The following COXFA4L2 variants were observed in gnomAD, a reference collection of about 807,000 sequenced individuals.
The protein encoded by COXFA4L2 is NADH dehydrogenase (ubiquinone) 1 alpha subcomplex, 4-like 2.
chr12:57,235,078 AG>A, the COXFA4L2 span: 1 of 164,028 alleles, frequency 6.1e-6, no homozygotes, highest in African/African-American at 2.4e-5. Flanking sequence ...GCTGCGCCTC[AG>A]GAGGCAAAGG....
chr12:57,235,465 G>T, the COXFA4L2 span: 1 of 1,308,968 alleles, frequency 7.6e-7, no homozygotes, highest in Non-Finnish European at 1.1e-6. Context: ...AGCGGGACAG[G>T]GTGGCCGGAG....
the COXFA4L2 span, chr12:57,237,366 C>A: frequency 2.2e-6 from 3 of 1,374,304 alleles, no homozygotes; most frequent in Non-Finnish European, 2.8e-6. Context: ...ATTCTTGGGG[C>A]TTCTGGCATC....
chr12:57,235,822 A>AG, the COXFA4L2 span: 1 of 1,527,686 alleles, frequency 6.5e-7, no homozygotes, highest in East Asian at 2.3e-5. Flanking sequence ...GTGGAGCAGG[A>AG]GGGGGGAGGG....
At chr12:57,237,556 C>T in the COXFA4L2 span, among the ~76,000 whole-genome samples, 1 of 152,168 alleles carries the variant, frequency 6.6e-6, no homozygotes, top group Non-Finnish European at 1.5e-5. Flanking sequence ...AGGAGCGGGT[C>T]CTGAGAACCC....
the COXFA4L2 span, chr12:57,235,745 G>T: frequency 3.7e-6 from 6 of 1,602,824 alleles, no homozygotes; most frequent in African/African-American, 8.0e-5. Flanking sequence ...CCATCGAGAG[G>T]TACCTTGTAT....
chr12:57,236,598 G>T, the COXFA4L2 span: 8 of 1,580,296 alleles, frequency 5.1e-6, no homozygotes, highest in African/African-American at 1.3e-5. Context: ...TTTACCAGAC[G>T]TCGGGGCTGC....
the COXFA4L2 span, among the ~76,000 whole-genome samples, chr12:57,238,465 C>T: frequency 1.6e-4 from 24 of 152,306 alleles, no homozygotes; most frequent in African/African-American, 5.1e-4. The surrounding 1 kb of genome is among the most constrained non-coding windows in gnomAD (Gnocchi z 6.8). Context: ...GCCCAGCCCT[C>T]CCGAGAGCCC....
At chr12:57,240,435 T>G in the COXFA4L2 span, 668 of 152,622 alleles carry the variant, frequency 4.4e-3, 6 homozygotes, top group Admixed American at 7.8e-3. Flanking sequence ...TTGATGTGAT[T>G]GGAGCGGACG....
chr12:57,240,562 G>GGCGCGCGCACACACACACTC, the COXFA4L2 span: 11 of 522,854 alleles, frequency 2.1e-5, no homozygotes, highest in Non-Finnish European at 2.7e-5. Flanking sequence ...GACTCACCCC[G>GGCGCGCGCACACACACACTC]GCGCGCGCAC....
At chr12:57,240,305 G>T in the COXFA4L2 span, 1 of 152,022 alleles carries the variant, frequency 6.6e-6, no homozygotes, top group African/African-American at 2.4e-5. Context: ...GCTCCTGGCC[G>T]GGCTTGGGGC....
chr12:57,235,788 C>CGGGTTG, the COXFA4L2 span: 2 of 1,558,316 alleles, frequency 1.3e-6, no homozygotes, highest in Non-Finnish European at 1.7e-6. Context: ...TCCAGGGCTC[C>CGGGTTG]GGGTTGTTCT....
chr12:57,238,418 G>A, the COXFA4L2 span, among the ~76,000 whole-genome samples: 1 of 152,104 alleles, frequency 6.6e-6, no homozygotes, highest in African/African-American at 2.4e-5. This position sits in a 1 kb window ranked among gnomAD's most constrained non-coding sequence, Gnocchi z 6.8. Flanking sequence ...GGGGGGGGCG[G>A]GGGAGCGGGG....
the COXFA4L2 span, chr12:57,240,577 A>G: frequency 2.7e-6 from 2 of 732,776 alleles, no homozygotes; most frequent in Non-Finnish European, 3.3e-6. Context: ...GCGCACACAC[A>G]CACTCGCGCG....
At chr12:57,237,657 T>C in the COXFA4L2 span, 1 of 156,220 alleles carries the variant, frequency 6.4e-6, no homozygotes, top group Non-Finnish European at 1.4e-5. Flanking sequence ...CTGAGTGGTT[T>C]CTTCAGGTTG....
chr12:57,235,748 C>T, the COXFA4L2 span: 39 of 1,599,552 alleles, frequency 2.4e-5, no homozygotes, highest in South Asian at 4.3e-4. Flanking sequence ...TCGAGAGGTA[C>T]CTTGTATTGG....
the COXFA4L2 span, chr12:57,235,143 G>T: frequency 4.7e-6 from 1 of 211,806 alleles, no homozygotes; most frequent in Admixed American, 5.2e-5. Flanking sequence ...CGCCGCCCCT[G>T]GGCTGGCTCT....
chr12:57,235,612 G>A, the COXFA4L2 span: 2 of 1,614,178 alleles, frequency 1.2e-6, no homozygotes, highest in South Asian at 2.2e-5. Flanking sequence ...AGTGGAAACT[G>A]CAAGGAACTA....
the COXFA4L2 span, chr12:57,236,811 A>G: frequency 3.1e-6 from 3 of 975,812 alleles, no homozygotes; most frequent in South Asian, 1.6e-5. Flanking sequence ...ATCTCCTACA[A>G]CCATATTTCC....
At chr12:57,238,353 A>AAAG in the COXFA4L2 span, among the ~76,000 whole-genome samples, 1 of 152,110 alleles carries the variant, frequency 6.6e-6, no homozygotes, top group African/African-American at 2.4e-5. This position sits in a 1 kb window ranked among gnomAD's most constrained non-coding sequence, Gnocchi z 6.8. Context: ...ATAATGAGAT[A>AAAG]AAGTGTCAGA....
Sources: allele counts gnomAD v4.1 joint callset (sites outside exome capture counted in the v4.1 genomes callset), GRCh38; gene constraint gnomAD v4.1.1; non-coding constraint Gnocchi (gnomAD v3.1); transcripts MANE v1.5; gene names NCBI Gene and HGNC (gene_info 2026-07-23, HGNC 2026-07-21).